BMPR2: variants seen among roughly 807,000 people sequenced by gnomAD.
BMPR2 encodes the protein bone morphogenetic protein receptor type 2, also known as bone morphogenetic protein receptor type-2.
Under a neutral mutation model 100.8 loss-of-function variants are expected in BMPR2, and 29 were observed. That is an observed-to-expected ratio of 0.29 (90% CI 0.21 to 0.39). BMPR2 has a LOEUF of 0.39. BMPR2 is among the 10% of genes least tolerant of loss of function. The pLI, the probability that BMPR2 is intolerant of heterozygous loss-of-function variation, is 1.00. For missense variants in BMPR2, 1,011 were observed against 1,274.5 expected (o/e 0.79, Z 3.15); for synonymous variants, 382 against 442.3 (o/e 0.86, Z 1.71).
intron 7 of BMPR2, among the ~76,000 whole-genome samples, chr2:202,528,654 A>G (rs1293282079): frequency 6.6e-6 from 1 of 152,224 alleles, no homozygotes; most frequent in Non-Finnish European, 1.5e-5. Flanking sequence ...CAGTTGGCCA[A>G]ATCATCCAAT....
chr2:202,475,369 T>A (rs1697222076), intron 3 of BMPR2, among the ~76,000 whole-genome samples: 1 of 152,098 alleles, frequency 6.6e-6, no homozygotes, highest in Admixed American at 6.6e-5. Flanking sequence ...TAGTGTAACA[T>A]CTCACGTACC....
At chr2:202,480,733 C>CATG (rs1328789918) in intron 3 of BMPR2, among the ~76,000 whole-genome samples, 2 of 151,802 alleles carry the variant, frequency 1.3e-5, no homozygotes, top group African/African-American at 4.8e-5. Context: ...GCGGGTGGAT[C>CATG]ATGAGGTCAG....
chr2:202,489,880 T>TA (rs1334423031), intron 3 of BMPR2, among the ~76,000 whole-genome samples: 1 of 152,198 alleles, frequency 6.6e-6, no homozygotes, highest in African/African-American at 2.4e-5. Flanking sequence ...TTGCTGATAA[T>TA]ACTTCATCAG....
intron 9 of BMPR2, among the ~76,000 whole-genome samples, chr2:202,537,777 C>A (rs1311022375): frequency 6.6e-6 from 1 of 151,812 alleles, no homozygotes; most frequent in Non-Finnish European, 1.5e-5. Flanking sequence ...AGAGGCAAAT[C>A]TGGGAGAAAA....
At chr2:202,542,176 C>A in intron 9 of BMPR2, 135 bp from the exon 10 acceptor site, 1 of 1,009,992 alleles carries the variant, frequency 9.9e-7, no homozygotes, top group Non-Finnish European at 1.5e-6. Context: ...TCCAAATGTG[C>A]CTGAAGGGGA....
intron 1 of BMPR2, among the ~76,000 whole-genome samples, chr2:202,417,550 G>A (rs1355411445): frequency 2.6e-5 from 4 of 152,018 alleles, no homozygotes; most frequent in African/African-American, 9.7e-5. Flanking sequence ...TGATACGCCC[G>A]CCTTGGCCTC....
intron 1 of BMPR2, among the ~76,000 whole-genome samples, chr2:202,412,566 G>A (rs867333545): frequency 1.3e-5 from 2 of 152,102 alleles, no homozygotes. Context: ...TGATCCGCCC[G>A]CCTCGGCCTC....
In BMPR2 at chr2:202,408,822, A is replaced by G. The variant is rs1032655060; in HGVS notation, c.76+31272A>G. Among the ~76,000 whole-genome samples, 30 of 152,346 alleles carry G rather than the reference A, an allele frequency of 2.0e-4. No individual in the cohort carries two copies. In the East Asian group the frequency reaches 2.1e-3, roughly 11 times the overall value. On this transcript the variant is annotated intron_variant, in intron 1 of 12. Transcript: ENST00000374580. ...CTATCTTGGAAACACAGGGTATAAC[A>G]TCAAACAATGGTCATATAAGTATTT...
chr2:202,377,564 GC>G lies in BMPR2; in HGVS notation c.76+16del. On this transcript the variant is annotated intron_variant, in intron 1 of 12. Coordinates refer to ENST00000374580, the MANE Select transcript of BMPR2 (RefSeq NM_001204.7). ...GCACTGCGGCTGGTGAGTAGCTCCG[GC>G]CGGCACGTCCCGGCCACTGCCCCTG... The G allele has an allele frequency of 6.2e-7, 1 of 1,613,864 alleles. No individual in the cohort carries two copies. The highest frequency in any genetic ancestry group is 1.3e-5 in the African/African-American group (1 of 75,058).
At chr2:202,547,378 C>G (rs1688393908) in intron 10 of BMPR2, among the ~76,000 whole-genome samples, 1 of 152,138 alleles carries the variant, frequency 6.6e-6, no homozygotes, top group Admixed American at 6.6e-5. Flanking sequence ...GTCTTGAATT[C>G]TTTTCTCTCC....
chr2:202,461,797 A>G (rs1692229765), intron 1 of BMPR2, among the ~76,000 whole-genome samples: 1 of 152,162 alleles, frequency 6.6e-6, no homozygotes, highest in Non-Finnish European at 1.5e-5. Flanking sequence ...CATCCCTTTG[A>G]CATTTTCTTA....
At position 202,438,007 on chromosome 2, in the gene BMPR2, G is replaced by A. The variant is rs1048208425; in HGVS notation, c.77-26802G>A. On this transcript the variant is annotated intron_variant, in intron 1 of 12. Transcript: ENST00000374580. The stretch of plus-strand genomic sequence containing the variant: ...AAGAGTGAAATTGCTGGGTCAGGTG[G>A]TTAAGGCGTAAGAGTTCTTTTTATG... Among the ~76,000 whole-genome samples, 11 of 150,348 alleles carry A rather than the reference G, an allele frequency of 7.3e-5. No individual in the cohort carries two copies. In the South Asian group the frequency reaches 1.2e-3, roughly 17 times the overall value.
chr2:202,442,029 G>A (rs577493898), intron 1 of BMPR2, among the ~76,000 whole-genome samples: 11 of 148,902 alleles, frequency 7.4e-5, no homozygotes, highest in African/African-American at 2.6e-4. Flanking sequence ...GCGAGACTTT[G>A]TCTCTCAAAA....
At chr2:202,450,907 G>A (rs537964805) in intron 1 of BMPR2, among the ~76,000 whole-genome samples, 1 of 152,182 alleles carries the variant, frequency 6.6e-6, no homozygotes, top group African/African-American at 2.4e-5. Flanking sequence ...TTTGTGTTCT[G>A]GGAAAGGAAT....
intron 3 of BMPR2, among the ~76,000 whole-genome samples, chr2:202,487,946 G>A (rs946015603): frequency 1.1e-4 from 17 of 152,178 alleles, no homozygotes; most frequent in African/African-American, 4.1e-4. Context: ...TTGACCTCAG[G>A]TGATTAGCAT....
chr2:202,536,852 A>G (rs1688169106), intron 9 of BMPR2, among the ~76,000 whole-genome samples: 1 of 149,756 alleles, frequency 6.7e-6, no homozygotes, highest in Admixed American at 6.7e-5. Context: ...CCTGGGCAAC[A>G]AGAGTGAAAC....
intron 7 of BMPR2, among the ~76,000 whole-genome samples, chr2:202,525,757 C>G (rs1687897738): frequency 6.6e-6 from 1 of 151,470 alleles, no homozygotes. Context: ...TTGTGGGGAT[C>G]AGCCTTTGCT....
In BMPR2 at chr2:202,565,335, CTTTATA is replaced by C. The variant is rs1373375774; in HGVS notation, c.*5394_*5399del. ...CTTCTCCTCAGTCCTATTTTAATGACTTTATATTTAAGAATATAGAATTATATTTTC... is the reference window on the plus strand; with the variant it reads ...CTTCTCCTCAGTCCTATTTTAATGACTTTAAGAATATAGAATTATATTTTC... On this transcript the variant is annotated 3_prime_UTR_variant, in exon 13 of 13. Transcript: ENST00000374580. The C allele has an allele frequency of 3.3e-5, 5 of 152,082 alleles. No individual in the cohort carries two copies. Among genetic ancestry groups the C allele is most frequent in the African/African-American group, 1.2e-4 (5 of 41,428 alleles). 9.4% of individuals were successfully genotyped at this position (152,082 alleles called of 1,614,324 possible). A position where few individuals can be genotyped will look rare whatever the true frequency, so the allele number is the denominator to read the frequency against.
intron 1 of BMPR2, among the ~76,000 whole-genome samples, chr2:202,402,965 A>T (rs552743639): frequency 3.3e-5 from 5 of 150,632 alleles, no homozygotes; most frequent in African/African-American, 1.2e-4. Context: ...AGTAGATGGG[A>T]TTACAGGCAT....
Sources: gnomAD v4.1 joint callset for allele counts (sites outside exome capture counted in the v4.1 genomes callset) on GRCh38, gnomAD v4.1.1 for gene constraint, MANE v1.5 for transcripts, NCBI Gene and HGNC (gene_info 2026-07-23, HGNC 2026-07-21) for gene names.